CORO2B: variants seen among roughly 807,000 people sequenced by gnomAD.
The protein encoded by CORO2B is coronin 2B.
Under a neutral mutation model 58.8 loss-of-function variants are expected in CORO2B, and 26 were observed. The observed-to-expected ratio is 0.44, with a 90% CI of 0.32 to 0.61. The LOEUF is 0.61. Among genes scored for constraint, CORO2B ranks in the 20% least tolerant of loss-of-function variants. The pLI, the probability that CORO2B is intolerant of heterozygous loss-of-function variation, is 0.04. For synonymous variants in CORO2B, 242 were observed against 253.8 expected, an observed-to-expected ratio of 0.95 and a Z score of 0.44; for missense variants, 460 against 645.1, an observed-to-expected ratio of 0.71 and a Z score of 3.11.
chr15:68,529,735 A>G, the CORO2B span, among the ~76,000 whole-genome samples: 1 of 152,216 alleles, frequency 6.6e-6, no homozygotes, highest in Non-Finnish European at 1.5e-5. Flanking sequence ...CTAAAGATGA[A>G]AGCTTAGAAT....
At chr15:68,619,800 T>C (rs925720392) in intron 1 of CORO2B, among the ~76,000 whole-genome samples, 1 of 152,122 alleles carries the variant, frequency 6.6e-6, no homozygotes, top group Non-Finnish European at 1.5e-5. Flanking sequence ...TCAGTGTGAA[T>C]AGTAGGACCA....
rs771751077 is a variant in CORO2B at position 68,645,239 on chromosome 15, A to G, written c.95A>G (p.Asp32Gly). 37 of 1,614,008 alleles carry G rather than the reference A, an allele frequency of 2.3e-5. No homozygotes were observed. The highest frequency in any genetic ancestry group is 3.1e-5 in the Non-Finnish European group (36 of 1,179,978). ...GTGGCCAACCGGGAGCACTGCTTCG[A>G]TGGGATCCCCATCACCAAGAATGTG... ...GKVANREHCF[D>G]GIPITKNVHD... Residue 32 changes from aspartate (D) to glycine (G), a missense_variant, in exon 2 of 12, where the codon GAT becomes GGT. By Grantham distance (94) the Asp-to-Gly change is moderately conservative. Transcript: ENST00000261861. This position sits in a 1 kb window ranked among gnomAD's most constrained non-coding sequence, Gnocchi z 4.5.
At chr15:68,584,303 G>T (rs776854503) in intron 1 of CORO2B, among the ~76,000 whole-genome samples, 1 of 152,220 alleles carries the variant, frequency 6.6e-6, no homozygotes, top group Non-Finnish European at 1.5e-5. Flanking sequence ...CTTTCTTCTG[G>T]ACTGTGCCCA....
chr15:68,605,615 A>G (rs1900091558), intron 1 of CORO2B, among the ~76,000 whole-genome samples: 1 of 151,866 alleles, frequency 6.6e-6, no homozygotes, highest in South Asian at 2.1e-4. Flanking sequence ...CTGTGTAAAA[A>G]TTATTTGGAA....
the CORO2B span, among the ~76,000 whole-genome samples, chr15:68,556,032 C>T: frequency 6.6e-6 from 1 of 152,230 alleles, no homozygotes; most frequent in Non-Finnish European, 1.5e-5. Flanking sequence ...GAAGAGAATC[C>T]ACTCATCTCT....
chr15:68,518,877 C>G, the CORO2B span, among the ~76,000 whole-genome samples: 1 of 152,292 alleles, frequency 6.6e-6, no homozygotes, highest in Non-Finnish European at 1.5e-5. Flanking sequence ...GGACTCCAGA[C>G]CCCTGGTTCA....
At chr15:68,629,968 G>T (rs979230077) in intron 1 of CORO2B, among the ~76,000 whole-genome samples, 2 of 152,186 alleles carry the variant, frequency 1.3e-5, no homozygotes, top group African/African-American at 4.8e-5. Context: ...CCCTGCCAGA[G>T]GCACCCTGCC....
At chr15:68,525,024 C>T in the CORO2B span, among the ~76,000 whole-genome samples, 1 of 152,168 alleles carries the variant, frequency 6.6e-6, no homozygotes. Context: ...CACTAAAACT[C>T]CTACTCAGTA....
chr15:68,669,063 GAGAGAA>G (rs1333106455), intron 2 of CORO2B, among the ~76,000 whole-genome samples: 7 of 146,008 alleles, frequency 4.8e-5, no homozygotes, highest in African/African-American at 1.3e-4. Context: ...CAGAAAGAAA[GAGAGAA>G]AGAGAGAGAG....
chr15:68,569,675 A>G, the CORO2B span, among the ~76,000 whole-genome samples: 2 of 152,252 alleles, frequency 1.3e-5, no homozygotes, highest in African/African-American at 4.8e-5. Flanking sequence ...TTGCTGGATC[A>G]TATGGTAAGA....
chr15:68,661,668 T>C (rs1279594665), intron 2 of CORO2B, among the ~76,000 whole-genome samples: 1 of 152,222 alleles, frequency 6.6e-6, no homozygotes, highest in Non-Finnish European at 1.5e-5. Context: ...ACAAGTGTTC[T>C]TAATGGCATA....
At chr15:68,636,486 G>A (rs1360377104) in intron 1 of CORO2B, among the ~76,000 whole-genome samples, 12 of 152,174 alleles carry the variant, frequency 7.9e-5, no homozygotes, top group Admixed American at 7.9e-4. Context: ...TCCCAGCCCT[G>A]CCTGTTCCCA....
intron 2 of CORO2B, among the ~76,000 whole-genome samples, chr15:68,684,724 A>G (rs1902906016): frequency 6.6e-6 from 1 of 152,156 alleles, no homozygotes; most frequent in South Asian, 2.1e-4. Flanking sequence ...AAGTGTCCTT[A>G]TTTAGTTTAT....
chr15:68,563,494 AAAAAAG>A, the CORO2B span, among the ~76,000 whole-genome samples: 12 of 152,050 alleles, frequency 7.9e-5, no homozygotes, highest in Non-Finnish European at 1.3e-4. Context: ...CTTTAAAAAA[AAAAAAG>A]AAAAGAAAAG....
chr15:68,673,835 TAAAAAA>T (rs10579845), intron 2 of CORO2B, among the ~76,000 whole-genome samples: 2 of 92,690 alleles, frequency 2.2e-5, no homozygotes, highest in East Asian at 3.1e-4. Flanking sequence ...AGACTCCGTC[TAAAAAA>T]AAAAAAAAAA....
chr15:68,625,072 G>T (rs1900637717), intron 1 of CORO2B, among the ~76,000 whole-genome samples: 1 of 152,120 alleles, frequency 6.6e-6, no homozygotes, highest in Non-Finnish European at 1.5e-5. Flanking sequence ...TATGCCCAGG[G>T]TCCCTTCCTC....
chr15:68,718,900 T>A, intron 9 of CORO2B, 90 bp downstream of exon 9: 1 of 1,166,976 alleles, frequency 8.6e-7, no homozygotes, highest in Non-Finnish European at 1.3e-6. Context: ...GAAACCCAGG[T>A]GAGAGATGTG....
chr15:68,721,726 A>T (rs1050689685), intron 11 of CORO2B, among the ~76,000 whole-genome samples: 11 of 137,674 alleles, frequency 8.0e-5, no homozygotes, highest in African/African-American at 2.1e-4. Context: ...CATTTAAAAA[A>T]TTTTTAAGTG....
intron 1 of CORO2B, among the ~76,000 whole-genome samples, chr15:68,614,960 C>G (rs1028756971): frequency 2.0e-5 from 3 of 152,040 alleles, no homozygotes; most frequent in African/African-American, 7.3e-5. Context: ...GGCTTGCTCC[C>G]CACAGAGTCC....
Sources: allele counts gnomAD v4.1 joint callset (sites outside exome capture counted in the v4.1 genomes callset), GRCh38; gene constraint gnomAD v4.1.1; non-coding constraint Gnocchi (gnomAD v3.1); transcripts MANE v1.5; gene names NCBI Gene and HGNC (gene_info 2026-07-23, HGNC 2026-07-21).